Variants in PCDH7 observed in about 807,000 individuals in gnomAD.
The protein encoded by PCDH7 is protocadherin-7.
In PCDH7, 17 loss-of-function variants were observed where a neutral mutation model predicts 58.9. The ratio of observed to expected loss-of-function variants is 0.29; its 90% CI spans 0.20 to 0.43. PCDH7 has a LOEUF of 0.43. Ranked by LOEUF, PCDH7 falls within the 20% of genes least tolerant of loss-of-function variation. PCDH7 has a pLI of 1.00. For missense variants in PCDH7, 1,274 were observed against 1,441.0 expected (o/e 0.88, Z 1.88); for synonymous variants, 664 against 616.4 (o/e 1.08, Z -1.14).
intron 3 of PCDH7, among the ~76,000 whole-genome samples, chr4:31,092,274 G>A (rs541187518): frequency 6.6e-6 from 1 of 152,048 alleles, no homozygotes; most frequent in East Asian, 1.9e-4. Context: ...TAGCTATGAA[G>A]TTGAAATAAT....
chr4:30,724,453 T>A, exon 1 of PCDH7: 1 of 1,613,948 alleles, frequency 6.2e-7, no homozygotes, highest in Middle Eastern at 1.6e-4. Flanking sequence ...TCATCCCCAG[T>A]CACCAACTGC....
At chr4:31,124,663 T>C (rs546971683) in intron 3 of PCDH7, among the ~76,000 whole-genome samples, 2 of 152,304 alleles carry the variant, frequency 1.3e-5, no homozygotes, top group South Asian at 4.1e-4. Context: ...TAAACTAAAA[T>C]TTCAGATATT....
chr4:31,113,786 A>G (rs1478471664), intron 3 of PCDH7, among the ~76,000 whole-genome samples: 9 of 151,926 alleles, frequency 5.9e-5, no homozygotes, highest in Non-Finnish European at 1.2e-4. Flanking sequence ...TTTAATGTTA[A>G]CATTTAATTT....
intron 3 of PCDH7, among the ~76,000 whole-genome samples, chr4:31,090,216 A>C (rs1713049261): frequency 6.6e-6 from 1 of 152,036 alleles, no homozygotes; most frequent in African/African-American, 2.4e-5. Context: ...CATTAAATGT[A>C]TACATGGTTC....
In PCDH7 at chr4:30,845,566, C is replaced by T. The variant is rs78756335; in HGVS notation, c.71-74587C>T. On this transcript the variant is annotated intron_variant, in intron 1 of 3. Coordinates refer to the PCDH7 transcript ENST00000509759. ...GTGTAAATTTGGTGTAAAGTTACAA[C>T]GCAATAGGAAATAGGATGGTTTACT... Among the ~76,000 whole-genome samples, 56 of 152,142 alleles carry T rather than the reference C, an allele frequency of 3.7e-4. No homozygotes were observed. The East Asian group carries it at 5.6e-3, about 15-fold the overall frequency.
At chr4:30,959,468 C>G (rs1411308684) in intron 3 of PCDH7, among the ~76,000 whole-genome samples, 1 of 152,028 alleles carries the variant, frequency 6.6e-6, no homozygotes, top group Non-Finnish European at 1.5e-5. Flanking sequence ...AGTATAACCT[C>G]TTATCACTGA....
rs576470214 is a variant in PCDH7, at chr4:31,111,131, A to G, written c.*8-31342A>G. 1.3e-5 allele frequency among the ~76,000 whole-genome samples: 2 copies of G among 152,138 alleles called. 1 individual carries two copies. The highest frequency in any genetic ancestry group is 3.9e-4 in the East Asian group (2 of 5,188). On this transcript the variant is annotated intron_variant, in intron 3 of 3. Transcript: ENST00000509759. Reference sequence around the variant, plus strand: ...TTTGTGAATTCATAATGTACAATATATGGTTCATATTTATTCTAGGTAATT... The same window carrying G: ...TTTGTGAATTCATAATGTACAATATGTGGTTCATATTTATTCTAGGTAATT...
intron 3 of PCDH7, among the ~76,000 whole-genome samples, chr4:31,069,384 T>C (rs978736172): frequency 5.6e-5 from 8 of 142,094 alleles, no homozygotes; most frequent in Non-Finnish European, 1.2e-4. Flanking sequence ...TCAAATTCCT[T>C]CTTGAAAACA....
intron 1 of PCDH7, among the ~76,000 whole-genome samples, chr4:30,865,727 T>C (rs1734795120): frequency 6.6e-6 from 1 of 152,226 alleles, no homozygotes; most frequent in South Asian, 2.1e-4. Context: ...GAAATATACA[T>C]ACCTTCTATC....
rs568356007 is a variant in PCDH7, at chr4:30,741,042, A to AT, written c.70+16454dup. ...TGTGGATGATGCTTTTCATTGTAGGATTTTTTTTCAACTGAGATATCTCAA... is the reference window on the plus strand; with the variant it reads ...TGTGGATGATGCTTTTCATTGTAGGATTTTTTTTTCAACTGAGATATCTCAA... On this transcript the variant is annotated intron_variant, in intron 1 of 3. Transcript: ENST00000509759. Among the ~76,000 whole-genome samples the AT allele has an allele frequency of 1.7e-3, 260 of 151,920 alleles. 2 individuals are homozygous for AT. Among genetic ancestry groups the AT allele is most frequent in the African/African-American group, 5.9e-3 (245 of 41,422 alleles).
At chr4:30,813,113 G>A (rs981549030) in intron 1 of PCDH7, among the ~76,000 whole-genome samples, 4 of 152,156 alleles carry the variant, frequency 2.6e-5, no homozygotes, top group East Asian at 3.9e-4. Flanking sequence ...TGTATGGTGC[G>A]TCATATTGGG....
At chr4:31,068,181 C>A (rs1037847258) in intron 3 of PCDH7, among the ~76,000 whole-genome samples, 2 of 151,588 alleles carry the variant, frequency 1.3e-5, no homozygotes, top group Non-Finnish European at 1.5e-5. Flanking sequence ...ATCTTTATTT[C>A]TTTTGATCTG....
chr4:31,058,368 C>T (rs113246709), intron 3 of PCDH7, among the ~76,000 whole-genome samples: 19 of 152,044 alleles, frequency 1.2e-4, no homozygotes, highest in African/African-American at 3.9e-4. Context: ...AATGTTGATG[C>T]CTGGGTAAGC....
chr4:31,023,083 A>G (rs1205156979), intron 3 of PCDH7, among the ~76,000 whole-genome samples: 1 of 152,222 alleles, frequency 6.6e-6, no homozygotes, highest in Admixed American at 6.5e-5. Flanking sequence ...ACATTGAAAC[A>G]AAACTTAAGA....
intron 1 of PCDH7, among the ~76,000 whole-genome samples, chr4:30,864,190 G>T (rs1185997341): frequency 6.6e-6 from 1 of 151,716 alleles, no homozygotes; most frequent in East Asian, 1.9e-4. Flanking sequence ...AGTAGAATGT[G>T]TTAATTACAC....
intron 1 of PCDH7, among the ~76,000 whole-genome samples, chr4:30,861,785 T>G (rs1734230298): frequency 2.6e-5 from 4 of 152,170 alleles, no homozygotes; most frequent in African/African-American, 9.6e-5. Context: ...TTGTAGTTGG[T>G]ATATGTTCAA....
At chr4:30,916,305 C>T (rs942303467) in intron 1 of PCDH7, among the ~76,000 whole-genome samples, 2 of 152,144 alleles carry the variant, frequency 1.3e-5, no homozygotes, top group African/African-American at 4.8e-5. Context: ...TTTCTTCTTC[C>T]TCCTCTTTCA....
intron 1 of PCDH7, among the ~76,000 whole-genome samples, chr4:30,865,268 T>C (rs531556584): frequency 6.6e-6 from 1 of 152,230 alleles, no homozygotes; most frequent in East Asian, 1.9e-4. Flanking sequence ...GTTAAAAATT[T>C]GAAATGTTTG....
chr4:30,826,567 T>C (rs772893448), intron 1 of PCDH7, among the ~76,000 whole-genome samples: 3 of 152,090 alleles, frequency 2.0e-5, no homozygotes, highest in Non-Finnish European at 4.4e-5. Context: ...AGGAGGTTTC[T>C]TCTTTGGGGG....
Sources: gnomAD v4.1 joint callset for allele counts (sites outside exome capture counted in the v4.1 genomes callset) on GRCh38, gnomAD v4.1.1 for gene constraint, MANE v1.5 for transcripts, NCBI Gene and HGNC (gene_info 2026-07-23, HGNC 2026-07-21) for gene names.